KIAA0930: variants seen among roughly 807,000 people sequenced by gnomAD.
KIAA0930 encodes the protein uncharacterized protein KIAA0930.
In KIAA0930, 24 loss-of-function variants were observed where a neutral mutation model predicts 43.9. That is an observed-to-expected ratio of 0.55 (90% CI 0.40 to 0.77). KIAA0930 has a LOEUF of 0.77. KIAA0930 is among the 30% of genes least tolerant of loss of function. The pLI is 0.00. For missense variants in KIAA0930, 461 were observed against 574.2 expected (o/e 0.80, Z 2.02); for synonymous variants, 259 against 216.4 (o/e 1.20, Z -1.73).
chr22:45,238,656 G>GC (rs1310122734), intron 1 of KIAA0930, among the ~76,000 whole-genome samples: 1 of 152,340 alleles, frequency 6.6e-6, no homozygotes, highest in East Asian at 1.9e-4. Context: ...CTGCTTCAGA[G>GC]CCCTGCAGGG....
At chr22:45,199,161 G>A (rs939548049) in intron 8 of KIAA0930, among the ~76,000 whole-genome samples, 3 of 152,148 alleles carry the variant, frequency 2.0e-5, no homozygotes, top group African/African-American at 7.2e-5. Context: ...TAATCTGATT[G>A]TGTCACTCCC....
intron 1 of KIAA0930, among the ~76,000 whole-genome samples, chr22:45,225,515 C>T (rs1044426809): frequency 6.6e-6 from 1 of 152,210 alleles, no homozygotes; most frequent in Non-Finnish European, 1.5e-5. Flanking sequence ...ATGTGGTCCC[C>T]GATGTTCCAG....
At position 45,197,881 on chromosome 22, in the gene KIAA0930, C is replaced by G. The variant is rs201071678; in HGVS notation, c.1083G>C (p.Gly361=). Residue 361 remains glycine, a synonymous_variant, in exon 9 of 10, where the codon GGG becomes GGC. Transcript: ENST00000336156. ...SLSGTGRSLV[G]SWLKLNRADG... Reference sequence around the variant, plus strand: ...CTGCTCTGTTCAGCTTCAGCCAGGACCCGACCAGGGACCGTCCTGTGCCCG... The same window carrying G: ...CTGCTCTGTTCAGCTTCAGCCAGGAGCCGACCAGGGACCGTCCTGTGCCCG... The G allele has an allele frequency of 6.2e-7, 1 of 1,614,096 alleles. No homozygotes were observed. The highest frequency in any genetic ancestry group is 1.3e-5 in the African/African-American group (1 of 74,936).
intron 1 of KIAA0930, among the ~76,000 whole-genome samples, chr22:45,224,084 G>C (rs778658719): frequency 6.6e-6 from 1 of 152,164 alleles, no homozygotes; most frequent in African/African-American, 2.4e-5. Context: ...CCCTGAGCAC[G>C]TTTACCTATC....
At chr22:45,205,933 G>A (rs1419000078) in intron 2 of KIAA0930, 21 bp from the exon 3 acceptor site, 10 of 1,611,054 alleles carry the variant, frequency 6.2e-6, no homozygotes, top group Non-Finnish European at 7.6e-6. Context: ...CAGAGCAGAA[G>A]TGAGTGCCCA....
intron 1 of KIAA0930, among the ~76,000 whole-genome samples, chr22:45,220,722 A>T (rs889888050): frequency 3.3e-5 from 5 of 152,140 alleles, no homozygotes; most frequent in African/African-American, 1.2e-4. Context: ...CTGGGACTAC[A>T]GGCATGCAAT....
intron 7 of KIAA0930, among the ~76,000 whole-genome samples, chr22:45,202,391 A>G (rs965773776): frequency 6.6e-6 from 1 of 152,250 alleles, no homozygotes; most frequent in Non-Finnish European, 1.5e-5. Context: ...GTGCTATCCC[A>G]AGAGACCTTG....
intron 1 of KIAA0930, among the ~76,000 whole-genome samples, chr22:45,215,451 G>T (rs113026143): frequency 3.3e-5 from 5 of 152,050 alleles, no homozygotes; most frequent in African/African-American, 1.2e-4. Flanking sequence ...AAAATTAAAG[G>T]CCTTCTGCAC....
At chr22:45,199,729 G>A (rs1386384580) in intron 8 of KIAA0930, 144 bp downstream of exon 8, 2 of 875,104 alleles carry the variant, frequency 2.3e-6, no homozygotes, top group East Asian at 5.8e-5. Context: ...CTCAGCTCCT[G>A]GAGGGCTGCC....
At chr22:45,218,723 G>C (rs1176181793) in intron 1 of KIAA0930, among the ~76,000 whole-genome samples, 1 of 152,086 alleles carries the variant, frequency 6.6e-6, no homozygotes, top group East Asian at 1.9e-4. Context: ...GGCCCTGCAG[G>C]AGGATTCTCC....
chr22:45,213,568 A>G, intron 1 of KIAA0930: 4 of 1,026,124 alleles, frequency 3.9e-6, no homozygotes, highest in Non-Finnish European at 5.0e-6. Flanking sequence ...AGCCCAAGTC[A>G]CGCTACTACA....
In KIAA0930 at chr22:45,197,931, T is replaced by C. The variant is rs2083552112; in HGVS notation, c.1033A>G (p.Thr345Ala). The change falls in exon 9 of 10, where the codon ACC (threonine) becomes GCC (alanine). Residue 345 changes from threonine (T) to alanine (A), a missense_variant. By Grantham distance (58) the Thr-to-Ala change is moderately conservative. Transcript: ENST00000336156. ...GACAGGGACCGAGACCGCAGGTTGG[T>C]TGCATTGTGCAGATCGGCTGGAGGA... ...DDGGADLHNATNLRSRSLSGT... is the reference protein window; with the variant it reads ...DDGGADLHNAANLRSRSLSGT... 6.2e-7 allele frequency: 1 copy of C among 1,614,048 alleles called. No homozygotes were observed. Among genetic ancestry groups the C allele is most frequent in the African/African-American group, 1.3e-5 (1 of 75,030 alleles).
intron 1 of KIAA0930, among the ~76,000 whole-genome samples, chr22:45,224,930 G>A (rs908187240): frequency 2.0e-5 from 3 of 152,016 alleles, no homozygotes; most frequent in Admixed American, 6.5e-5. Flanking sequence ...TGGGGAGGGG[G>A]CTGAGAAGGC....
intron 1 of KIAA0930, among the ~76,000 whole-genome samples, chr22:45,238,760 A>G (rs2083900996): frequency 1.3e-5 from 2 of 152,002 alleles, no homozygotes; most frequent in African/African-American, 2.4e-5. Context: ...GTAGGCACAT[A>G]AAGACCTGGC....
Position 45,217,135 on chromosome 22 carries a change from T to C in KIAA0930, c.65-5028A>G, listed in dbSNP as rs546169174. On this transcript the variant is annotated intron_variant, in intron 1 of 9. Coordinates refer to ENST00000336156, the MANE Select transcript of KIAA0930 (RefSeq NM_001009880.2). ...CAGCACCTTGGAACGCTAAGGCAGG[T>C]AGAATACTTGAGGTCAGGAGTTCAA... Among the ~76,000 whole-genome samples, 3 of 152,050 alleles carry C rather than the reference T, an allele frequency of 2.0e-5. No individual in the cohort carries two copies. In the South Asian group the frequency reaches 6.2e-4, roughly 32 times the overall value.
chr22:45,206,013 T>A, intron 2 of KIAA0930, 101 bp from the exon 3 acceptor site: 1 of 1,532,402 alleles, frequency 6.5e-7, no homozygotes. Context: ...GGACTCCAAT[T>A]CTTTTTTCTT....
At position 45,219,582 on chromosome 22, in the gene KIAA0930, GTTTTTTTTTT is replaced by G. The variant is rs535482000; in HGVS notation, c.65-7485_65-7476del. ...TAACACAGCAGGCCAAGAGGTGATT[GTTTTTTTTTT>G]TTTTTTTTTTTTTTTTTTTAAGATG... On this transcript the variant is annotated intron_variant, in intron 1 of 9. Transcript: ENST00000336156. Among the ~76,000 whole-genome samples, 47 of 61,216 alleles carry G rather than the reference GTTTTTTTTTT, an allele frequency of 7.7e-4. 1 individual carries two copies. Among genetic ancestry groups the G allele is most frequent in the African/African-American group, 1.9e-3 (33 of 17,466 alleles). The allele number at this position is 61,216 out of a possible 152,430, so 40.2% of individuals were successfully genotyped here. A position where few individuals can be genotyped will look rare whatever the true frequency, so the allele number is the denominator to read the frequency against.
chr22:45,199,482 A>G (rs2147734443), intron 8 of KIAA0930, among the ~76,000 whole-genome samples: 1 of 152,308 alleles, frequency 6.6e-6, no homozygotes, highest in South Asian at 2.1e-4. Flanking sequence ...GGCCCAAGGC[A>G]GCGCAAGGGA....
Position 45,192,428 on chromosome 22 carries a change from C to CA in KIAA0930, c.*4747_*4748insT, listed in dbSNP as rs2083497079. 1 of 152,196 alleles carries CA rather than the reference C, an allele frequency of 6.6e-6. No homozygotes were observed. The highest frequency in any genetic ancestry group is 1.5e-5 in the Non-Finnish European group (1 of 68,038). The allele number at this position is 152,196 out of a possible 1,614,324, so 9.4% of individuals were successfully genotyped here. On this transcript the variant is annotated 3_prime_UTR_variant, in exon 10 of 10. Coordinates refer to ENST00000336156, the MANE Select transcript of KIAA0930 (RefSeq NM_001009880.2). ...AGAACTATCACTGGCAATCAGCATA[C>CA]TGAGCTATCCAGTGGAGGCCAGCAT...
Sources: allele counts gnomAD v4.1 joint callset (sites outside exome capture counted in the v4.1 genomes callset), GRCh38; gene constraint gnomAD v4.1.1; transcripts MANE v1.5; gene names NCBI Gene and HGNC (gene_info 2026-07-23, HGNC 2026-07-21).